Variants in LANCL2 observed in about 807,000 individuals in gnomAD.
LANCL2 encodes lanC-like protein 2.
LANCL2 carries 33 observed loss-of-function variants against 56.9 expected under a neutral mutation model. The ratio of observed to expected loss-of-function variants is 0.58; its 90% CI spans 0.44 to 0.78. The LOEUF (loss-of-function observed/expected upper bound fraction) is 0.78. LANCL2 is among the 30% of genes least tolerant of loss of function. The pLI, the probability that LANCL2 is intolerant of heterozygous loss-of-function variation, is 0.00. For synonymous variants in LANCL2, 233 were observed against 228.2 expected (o/e 1.02, Z -0.19); for missense variants, 562 against 580.2 (o/e 0.97, Z 0.32).
At chr7:55,401,748 G>C (rs1790330978) in intron 5 of LANCL2, among the ~76,000 whole-genome samples, 1 of 124,906 alleles carries the variant, frequency 8.0e-6, no homozygotes, top group Admixed American at 7.4e-5. Context: ...GACTCTTAAC[G>C]AGCATGCTGC....
In LANCL2 at chr7:55,401,287, T is replaced by C; in HGVS notation, c.792T>C (p.His264=). ...GGAAGCAGTACGTTGGAGCAGCCCA[T>C]GGCATGGCTGGAATTTACTATATGT... is the stretch of plus-strand genomic sequence containing the variant. ...WHRKQYVGAA[H]GMAGIYYMLM... is the part of the protein sequence containing the mutation. Residue 264 remains histidine (H), a synonymous_variant, in exon 5 of 9, where the codon CAT becomes CAC. Transcript: ENST00000254770. The C allele has an allele frequency of 6.2e-7, 1 of 1,614,080 alleles. No individual in the cohort carries two copies. Among genetic ancestry groups the C allele is most frequent in the Non-Finnish European group, 8.5e-7 (1 of 1,179,962 alleles).
chr7:55,418,376 C>T (rs1472548133), intron 6 of LANCL2, among the ~76,000 whole-genome samples: 3 of 151,808 alleles, frequency 2.0e-5, no homozygotes, highest in Admixed American at 6.6e-5. Flanking sequence ...GATGGGGTTT[C>T]GCCATATTGA....
intron 1 of LANCL2, among the ~76,000 whole-genome samples, chr7:55,389,158 G>C (rs191672689): frequency 4.6e-5 from 7 of 152,306 alleles, no homozygotes; most frequent in Admixed American, 3.9e-4. Context: ...TGTTACACAA[G>C]AAAGTTAGAC....
intron 8 of LANCL2, among the ~76,000 whole-genome samples, chr7:55,429,491 G>T (rs1790704300): frequency 6.6e-6 from 1 of 152,170 alleles, no homozygotes; most frequent in South Asian, 2.1e-4. Context: ...TCCTCTGTCT[G>T]CATCGTCTGT....
chr7:55,386,487 T>A (rs1232248381), intron 1 of LANCL2, among the ~76,000 whole-genome samples: 1 of 152,144 alleles, frequency 6.6e-6, no homozygotes, highest in Non-Finnish European at 1.5e-5. Flanking sequence ...TTTTACAGAA[T>A]GGTGGTGTGG....
At chr7:55,397,778 A>C (rs1164391354) in intron 2 of LANCL2, among the ~76,000 whole-genome samples, 1 of 150,472 alleles carries the variant, frequency 6.6e-6, no homozygotes, top group African/African-American at 2.5e-5. Context: ...TCATTTGAAG[A>C]CCTGAGTCTG....
intron 6 of LANCL2, among the ~76,000 whole-genome samples, chr7:55,412,803 G>A (rs1157715370): frequency 6.6e-6 from 1 of 152,168 alleles, no homozygotes; most frequent in Non-Finnish European, 1.5e-5. Flanking sequence ...GTATATAGCT[G>A]TAACACAATG....
At chr7:55,416,210 A>G (rs1170186260) in intron 6 of LANCL2, among the ~76,000 whole-genome samples, 3 of 152,124 alleles carry the variant, frequency 2.0e-5, no homozygotes, top group South Asian at 4.1e-4. Flanking sequence ...CTGATTGACC[A>G]GGGTTGATTA....
chr7:55,389,288 C>T (rs185219544), intron 1 of LANCL2, among the ~76,000 whole-genome samples: 2 of 152,186 alleles, frequency 1.3e-5, no homozygotes, highest in Non-Finnish European at 2.9e-5. Flanking sequence ...AGGTGTCACT[C>T]GGGGTTGACT....
chr7:55,411,764 T>A (rs1302718410), intron 5 of LANCL2, 143 bp from the exon 6 acceptor site: 2 of 836,250 alleles, frequency 2.4e-6, no homozygotes, highest in East Asian at 5.4e-5. Context: ...GCCTAAGTCT[T>A]AAATAACCAG....
intron 5 of LANCL2, among the ~76,000 whole-genome samples, chr7:55,401,592 AG>A (rs1419389950): frequency 1.1e-5 from 1 of 92,546 alleles, no homozygotes; most frequent in Non-Finnish European, 1.9e-5. Flanking sequence ...TTTCTCGCAG[AG>A]GGGGATTTGG....
intron 5 of LANCL2, among the ~76,000 whole-genome samples, chr7:55,406,547 C>G (rs556994761): frequency 6.6e-6 from 1 of 152,304 alleles, no homozygotes; most frequent in African/African-American, 2.4e-5. Context: ...AGCTTAGCTT[C>G]AAGGTTGCCT....
chr7:55,386,948 G>A (rs1254289549), intron 1 of LANCL2, among the ~76,000 whole-genome samples: 2 of 152,162 alleles, frequency 1.3e-5, no homozygotes, highest in African/African-American at 4.8e-5. Context: ...AGGGAAATTC[G>A]TAAAGGTAGC....
At chr7:55,430,357 G>A (rs1204701623) in intron 8 of LANCL2, among the ~76,000 whole-genome samples, 1 of 152,304 alleles carries the variant, frequency 6.6e-6, no homozygotes, top group East Asian at 1.9e-4. Context: ...CCTGACGAAG[G>A]AGCCAGATAC....
chr7:55,380,610 G>A (rs1467928259), intron 1 of LANCL2, among the ~76,000 whole-genome samples: 1 of 152,104 alleles, frequency 6.6e-6, no homozygotes. Context: ...AGATTCTATC[G>A]AATATGTTAC....
At chr7:55,416,187 T>C (rs1049806259) in intron 6 of LANCL2, among the ~76,000 whole-genome samples, 14 of 152,202 alleles carry the variant, frequency 9.2e-5, no homozygotes, top group Non-Finnish European at 1.0e-4. Flanking sequence ...ATTGTGGTTT[T>C]ATTTGTATCT....
rs138504749 is a variant in LANCL2, at chr7:55,415,904, T to G, written c.1008+3815T>G. Among the ~76,000 whole-genome samples, 666 of 152,278 alleles carry G rather than the reference T, an allele frequency of 4.4e-3. 4 individuals carry two copies. The highest frequency in any genetic ancestry group is 0.02 in the Middle Eastern group (6 of 294). ...TGCTGGGATTACGGGCATGAGCCACTGTGTCCGGCCAGTTTATCATTGTTT... is the reference window on the plus strand; with the variant it reads ...TGCTGGGATTACGGGCATGAGCCACGGTGTCCGGCCAGTTTATCATTGTTT... On this transcript the variant is annotated intron_variant, in intron 6 of 8. Transcript: ENST00000254770.
At chr7:55,418,680 A>G (rs954541607) in intron 6 of LANCL2, among the ~76,000 whole-genome samples, 2 of 152,130 alleles carry the variant, frequency 1.3e-5, no homozygotes, top group Non-Finnish European at 2.9e-5. Context: ...AATATTGAAT[A>G]GAAGTGGTCA....
chr7:55,374,081 C>T (rs903618336), intron 1 of LANCL2, among the ~76,000 whole-genome samples: 3 of 152,210 alleles, frequency 2.0e-5, no homozygotes, highest in African/African-American at 7.2e-5. Context: ...ACCACAAAAT[C>T]CTGCTATCTC....
Sources: allele counts gnomAD v4.1 joint callset (sites outside exome capture counted in the v4.1 genomes callset), GRCh38; gene constraint gnomAD v4.1.1; transcripts MANE v1.5; gene names NCBI Gene and HGNC (gene_info 2026-07-23, HGNC 2026-07-21).